The following AGAP1 variants were observed in gnomAD, a reference collection of about 807,000 sequenced individuals.
AGAP1 encodes ArfGAP with GTPase domain, ankyrin repeat and PH domain 1.
A neutral mutation model predicts 105.3 loss-of-function variants in AGAP1; 29 were observed. The observed-to-expected ratio is 0.28, with a 90% confidence interval of 0.21 to 0.38. The LOEUF (loss-of-function observed/expected upper bound fraction) is 0.38. Ranked by LOEUF, AGAP1 falls within the 10% of genes least tolerant of loss-of-function variation. The probability of loss-of-function intolerance (pLI) is 1.00; values close to 1 mark genes in which losing one functional copy is unlikely to be tolerated. For missense variants in AGAP1, 998 were observed against 1,165.1 expected, an observed-to-expected ratio of 0.86 and a Z score of 2.09; for synonymous variants, 509 against 485.9, an observed-to-expected ratio of 1.05 and a Z score of -0.63.
At chr2:235,968,331 T>C (rs947358670) in intron 12 of AGAP1, 131 bp from the exon 13 acceptor site, 2 of 1,225,828 alleles carry the variant, frequency 1.6e-6, no homozygotes, top group African/African-American at 3.1e-5. Context: ...AGCAATACAG[T>C]AATGGGATGT....
Position 235,931,232 on chromosome 2 carries a change from T to C in AGAP1, c.1483+309T>C, listed in dbSNP as rs992578549. Among the ~76,000 whole-genome samples, 1 of 152,158 alleles carries C rather than the reference T, an allele frequency of 6.6e-6. No homozygotes were observed. The highest frequency in any genetic ancestry group is 2.4e-5 in the African/African-American group (1 of 41,440). On this transcript the variant is annotated intron_variant, in intron 12 of 17. Coordinates refer to ENST00000304032, the MANE Select transcript of AGAP1 (RefSeq NM_001037131.3). This position sits in a 1 kb window ranked among gnomAD's most constrained non-coding sequence, Gnocchi z 5.6. ...CTTACCCAGGGTCACGTGACAGAAG[T>C]GGCAGCGCTGAGAAATAAGATCTGA...
chr2:235,892,429 TTGGACTC>T (rs2050588414), intron 10 of AGAP1, among the ~76,000 whole-genome samples: 1 of 152,186 alleles, frequency 6.6e-6, no homozygotes, highest in Non-Finnish European at 1.5e-5. Flanking sequence ...GCAGCCAAAC[TTGGACTC>T]TCTAAAATTA....
At chr2:235,743,811 GA>G (rs1952728405) in intron 4 of AGAP1, among the ~76,000 whole-genome samples, 1 of 152,198 alleles carries the variant, frequency 6.6e-6, no homozygotes, top group Non-Finnish European at 1.5e-5. Flanking sequence ...TTTGCACTTG[GA>G]AAGAGAAGGA....
chr2:235,796,469 A>G (rs1957248384), intron 6 of AGAP1, among the ~76,000 whole-genome samples: 1 of 152,186 alleles, frequency 6.6e-6, no homozygotes, highest in Admixed American at 6.5e-5. Flanking sequence ...CTACCGGAAG[A>G]TAAATTAATT....
Position 235,992,571 on chromosome 2 carries a change from C to A in AGAP1, c.1645+23948C>A, listed in dbSNP as rs188341033. On this transcript the variant is annotated intron_variant, in intron 13 of 17. Coordinates refer to ENST00000304032, the MANE Select transcript of AGAP1 (RefSeq NM_001037131.3). This position sits in a 1 kb window ranked among gnomAD's most constrained non-coding sequence, Gnocchi z 4.8. ...TTTATTGACTCACCTAAGAAAGGCTCGGGGACACTGTTGTGTTCTGATGTA... is the reference window on the plus strand; with the variant it reads ...TTTATTGACTCACCTAAGAAAGGCTAGGGGACACTGTTGTGTTCTGATGTA... Among the ~76,000 whole-genome samples the A allele has an allele frequency of 5.3e-5, 8 of 152,190 alleles. No homozygotes were observed. The highest frequency in any genetic ancestry group is 7.3e-5 in the Non-Finnish European group (5 of 68,034).
At chr2:235,641,939 C>T (rs1947211137) in intron 1 of AGAP1, among the ~76,000 whole-genome samples, 1 of 152,224 alleles carries the variant, frequency 6.6e-6, no homozygotes, top group Non-Finnish European at 1.5e-5. Flanking sequence ...ACAAGATTCT[C>T]TGAAACTGCT....
rs1169486992 is a variant in AGAP1, at chr2:235,982,618, A to G, written c.1645+13995A>G. Reference sequence around the variant, plus strand: ...CCAGGCTCATTGAAGGAACATAGAGAAGGTTTAGGCCCTGTTTCTTTTCGA... The same window carrying G: ...CCAGGCTCATTGAAGGAACATAGAGGAGGTTTAGGCCCTGTTTCTTTTCGA... On this transcript the variant is annotated intron_variant, in intron 13 of 17. Transcript: ENST00000304032. The surrounding 1 kb of genome is among the most constrained non-coding windows in gnomAD (Gnocchi z 4.9). Among the ~76,000 whole-genome samples the G allele has an allele frequency of 6.6e-6, 1 of 152,194 alleles. No homozygotes were observed.
At position 235,642,310 on chromosome 2, in the gene AGAP1, G is replaced by C. The variant is rs953339883; in HGVS notation, c.164-66869G>C. On this transcript the variant is annotated intron_variant, in intron 1 of 17. Transcript: ENST00000304032. The surrounding 1 kb of genome is among the most constrained non-coding windows in gnomAD (Gnocchi z 4.1). ...GGATTTACAAAGAAACTTGAGGTGA[G>C]GGGCCCTCTGCACTCAACCTCCTGG... Among the ~76,000 whole-genome samples, 1 of 152,196 alleles carries C rather than the reference G, an allele frequency of 6.6e-6. No individual in the cohort carries two copies. The highest frequency in any genetic ancestry group is 1.5e-5 in the Non-Finnish European group (1 of 68,034).
In AGAP1 at chr2:235,867,853, C is replaced by T. The variant is rs912314754; in HGVS notation, c.1051-15492C>T. Among the ~76,000 whole-genome samples the T allele has an allele frequency of 3.3e-5, 5 of 152,120 alleles. No individual in the cohort carries two copies. The highest frequency in any genetic ancestry group is 1.9e-4 in the East Asian group (1 of 5,190). ...ATGACCCGTGTGCTTCTCCAGTTTC[C>T]AATGATGACATTCCATCCACCCACC... is the stretch of plus-strand genomic sequence containing the variant. On this transcript the variant is annotated intron_variant, in intron 9 of 17. Coordinates refer to ENST00000304032, the MANE Select transcript of AGAP1 (RefSeq NM_001037131.3). The surrounding 1 kb of genome is among the most constrained non-coding windows in gnomAD (Gnocchi z 5.4).
Position 235,769,423 on chromosome 2 carries a change from T to C in AGAP1, c.673+18935T>C, listed in dbSNP as rs1016358600. ...AAATTGTTGGCATTGCATCATTGGC[T>C]TATGCTACTAAATAATGTTTTAAGG... On this transcript the variant is annotated intron_variant, in intron 6 of 17. Transcript: ENST00000304032. This position sits in a 1 kb window ranked among gnomAD's most constrained non-coding sequence, Gnocchi z 4.4. Among the ~76,000 whole-genome samples the C allele has an allele frequency of 5.9e-5, 9 of 152,248 alleles. No homozygotes were observed. Among genetic ancestry groups the C allele is most frequent in the African/African-American group, 1.9e-4 (8 of 41,466 alleles).
chr2:235,595,232 T>C (rs1341458235), intron 1 of AGAP1, among the ~76,000 whole-genome samples: 1 of 152,156 alleles, frequency 6.6e-6, no homozygotes, highest in Non-Finnish European at 1.5e-5. Context: ...CTGGCCAGCA[T>C]GGTCTTGATG....
At chr2:235,630,624 T>A (rs534031857) in intron 1 of AGAP1, among the ~76,000 whole-genome samples, 2 of 152,232 alleles carry the variant, frequency 1.3e-5, no homozygotes, top group African/African-American at 2.4e-5. Flanking sequence ...TGGTAAGCTG[T>A]ATTTGAGAAA....
In AGAP1 at chr2:235,964,777, A is replaced by G. The variant is rs1200930930; in HGVS notation, c.1484-3685A>G. Among the ~76,000 whole-genome samples the G allele has an allele frequency of 6.6e-6, 1 of 152,174 alleles. No individual in the cohort carries two copies. Among genetic ancestry groups the G allele is most frequent in the Admixed American group, 6.5e-5 (1 of 15,274 alleles). On this transcript the variant is annotated intron_variant, in intron 12 of 17. Transcript: ENST00000304032. This position sits in a 1 kb window ranked among gnomAD's most constrained non-coding sequence, Gnocchi z 4.6. ...TTAGAAATATCAGTATTGTAAAATC[A>G]TGGGACAGCTTAAAAGGTGAAAGTC... is the stretch of plus-strand genomic sequence containing the variant.
At chr2:235,802,655 ATGATGGTTG>A (rs1957550525) in intron 8 of AGAP1, among the ~76,000 whole-genome samples, 1 of 146,724 alleles carries the variant, frequency 6.8e-6, no homozygotes, top group African/African-American at 2.7e-5. Context: ...TGTGGTGATG[ATGATGGTTG>A]TGGTTGTGGT....
chr2:235,594,494 C>G (rs1945453575), intron 1 of AGAP1, among the ~76,000 whole-genome samples: 1 of 152,024 alleles, frequency 6.6e-6, no homozygotes, highest in Non-Finnish European at 1.5e-5. Flanking sequence ...TAGAGCATCT[C>G]TGTGGGCCAG....
At position 235,955,345 on chromosome 2, in the gene AGAP1, G is replaced by A. The variant is rs145672586; in HGVS notation, c.1484-13117G>A. Among the ~76,000 whole-genome samples, 1,064 of 152,200 alleles carry A rather than the reference G, an allele frequency of 7.0e-3. 10 individuals are homozygous for A. Among genetic ancestry groups the A allele is most frequent in the African/African-American group, 0.024 (1,008 of 41,532 alleles). The stretch of plus-strand genomic sequence containing the variant: ...GGAGCTGAAGTGTAACAGGCATGTC[G>A]GCTCCAGCGACACACAGCTTGGACA... On this transcript the variant is annotated intron_variant, in intron 12 of 17. Coordinates refer to ENST00000304032, the MANE Select transcript of AGAP1 (RefSeq NM_001037131.3).
rs1201570008 is a variant in AGAP1, at chr2:235,736,203, C to T, written c.311-4760C>T. Among the ~76,000 whole-genome samples the T allele has an allele frequency of 6.6e-6, 1 of 151,886 alleles. No homozygotes were observed. The highest frequency in any genetic ancestry group is 2.4e-5 in the African/African-American group (1 of 41,364). ...GGTTCCTCACCCTGGGGGTGCCCGC[C>T]GTTGGGAGGTGCTGTGGTTCCAGGG... is the stretch of plus-strand genomic sequence containing the variant. On this transcript the variant is annotated intron_variant, in intron 3 of 17. Coordinates refer to ENST00000304032, the MANE Select transcript of AGAP1 (RefSeq NM_001037131.3). This position sits in a 1 kb window ranked among gnomAD's most constrained non-coding sequence, Gnocchi z 5.5.
intron 9 of AGAP1, among the ~76,000 whole-genome samples, chr2:235,873,458 A>G (rs1241837843): frequency 6.6e-6 from 1 of 152,134 alleles, no homozygotes; most frequent in Non-Finnish European, 1.5e-5. Context: ...AAGGAGAGAC[A>G]ATAGAGAGTT....
intron 3 of AGAP1, among the ~76,000 whole-genome samples, chr2:235,738,847 C>G (rs1320079880): frequency 6.6e-6 from 1 of 152,080 alleles, no homozygotes; most frequent in Admixed American, 6.6e-5. Flanking sequence ...TGTGAGCCAC[C>G]GCGCCCAGCC....
Sources: gnomAD v4.1 joint callset for allele counts (sites outside exome capture counted in the v4.1 genomes callset) on GRCh38, gnomAD v4.1.1 for gene constraint, Gnocchi (gnomAD v3.1) non-coding constraint, MANE v1.5 for transcripts, NCBI Gene and HGNC (gene_info 2026-07-23, HGNC 2026-07-21) for gene names.